Variants in COX15 observed in about 807,000 individuals in gnomAD.
The protein encoded by COX15 is cytochrome c oxidase assembly factor COX15, also known as heme A synthase COX15.
Under a neutral mutation model 51.9 loss-of-function variants are expected in COX15, and 51 were observed. That is an observed-to-expected ratio of 0.98 (90% CI 0.78 to 1.24). The LOEUF (loss-of-function observed/expected upper bound fraction) is 1.24, where lower values mean the gene tolerates loss of function less well. Among genes scored for constraint, COX15 ranks in the 50% most tolerant of loss-of-function variants. The pLI, the probability that COX15 is intolerant of heterozygous loss-of-function variation, is 0.00. For missense variants in COX15, 420 were observed against 501.1 expected, an observed-to-expected ratio of 0.84 and a Z score of 1.55; for synonymous variants, 188 against 190.5, an observed-to-expected ratio of 0.99 and a Z score of 0.11.
intron 4 of COX15, among the ~76,000 whole-genome samples, chr10:99,724,977 T>C: frequency 6.6e-6 from 1 of 152,248 alleles, no homozygotes; most frequent in East Asian, 1.9e-4. Context: ...ATAAGAAACC[T>C]GCAGTTGAAT....
Position 99,712,687 on chromosome 10 carries a change from G to GC in COX15, c.*1899dup, listed in dbSNP as rs2036433577. On this transcript the variant is annotated 3_prime_UTR_variant, in exon 9 of 9. Transcript: ENST00000016171. ...ACAACCCTGGACCTGTAGAGTGGCA[G>GC]CAACAGACCAGAACTCAGCAGTATA... is the stretch of plus-strand genomic sequence containing the variant. 1.1e-6 allele frequency: 1 copy of GC among 872,178 alleles called. No homozygotes were observed. The highest frequency in any genetic ancestry group is 1.4e-6 in the Non-Finnish European group (1 of 726,948). 54.0% of individuals were successfully genotyped at this position (872,178 alleles called of 1,614,324 possible). A position where few individuals can be genotyped will look rare whatever the true frequency, so the allele number is the denominator to read the frequency against.
Position 99,713,561 on chromosome 10 carries a change from C to A in COX15, c.*1026G>T. The A allele has an allele frequency of 6.5e-7, 1 of 1,544,876 alleles. No homozygotes were observed. Among genetic ancestry groups the A allele is most frequent in the Non-Finnish European group, 8.7e-7 (1 of 1,144,004 alleles). On this transcript the variant is annotated 3_prime_UTR_variant, in exon 9 of 9. Transcript: ENST00000016171. ...TATCTGGGTAGATGTCCATGCACTA[C>A]ACCATCAAGGCCATATTTTTCTTAT... is the stretch of plus-strand genomic sequence containing the variant.
intron 6 of COX15, among the ~76,000 whole-genome samples, chr10:99,720,091 G>C (rs1181516351): frequency 3.9e-5 from 6 of 152,100 alleles, no homozygotes; most frequent in Admixed American, 3.9e-4. Flanking sequence ...GAGGCTACAG[G>C]CTCCTCTACT....
At chr10:99,706,343 T>G (rs1439251676), downstream of COX15, 1 of 151,628 alleles carries the variant, frequency 6.6e-6, no homozygotes, top group Admixed American at 6.6e-5. Context: ...TTCCTTTTTT[T>G]TTTTCTTGGA....
chr10:99,702,765 CT>C, the COX15 span: 1 of 1,254,688 alleles, frequency 8.0e-7, no homozygotes, highest in Non-Finnish European at 1.1e-6. Context: ...TTTTAACCAG[CT>C]TAGAATAGGT....
chr10:99,694,417 G>C, the COX15 span, among the ~76,000 whole-genome samples: 11 of 152,082 alleles, frequency 7.2e-5, no homozygotes, highest in African/African-American at 2.7e-4. Flanking sequence ...CAACCATGCT[G>C]TATTTTGTTT....
At chr10:99,716,598 C>T (rs140970053) in intron 7 of COX15, 137 bp from the exon 8 acceptor site, 6 of 651,402 alleles carry the variant, frequency 9.2e-6, no homozygotes, top group Non-Finnish European at 1.7e-5. Flanking sequence ...CCCTGCAGTC[C>T]CAGCCTGATC....
downstream of COX15, among the ~76,000 whole-genome samples, chr10:99,707,792 C>T (rs947254713): frequency 6.6e-6 from 1 of 152,198 alleles, no homozygotes; most frequent in Non-Finnish European, 1.5e-5. Context: ...GTAAAATACC[C>T]ATTTATGTGG....
downstream of COX15, chr10:99,709,173 C>G: frequency 1.0e-6 from 1 of 985,298 alleles, no homozygotes; most frequent in Admixed American, 6.1e-5. Flanking sequence ...GGTATAAATG[C>G]CTATTACATC....
intron 8 of COX15, among the ~76,000 whole-genome samples, chr10:99,715,250 G>T (rs1423108328): frequency 6.6e-6 from 1 of 152,088 alleles, no homozygotes; most frequent in African/African-American, 2.4e-5. Context: ...CAATTCTCCT[G>T]CCTCAGCCTC....
rs2036447285 is a variant in COX15 at position 99,713,078 on chromosome 10, G to A, written c.*1509C>T. 2 of 1,194,778 alleles carry A rather than the reference G, an allele frequency of 1.7e-6. No individual in the cohort carries two copies. The highest frequency in any genetic ancestry group is 3.2e-5 in the African/African-American group (2 of 63,344). The allele number at this position is 1,194,778 out of a possible 1,614,324, so 74.0% of individuals were successfully genotyped here. On this transcript the variant is annotated 3_prime_UTR_variant, in exon 9 of 9. Coordinates refer to ENST00000016171, the MANE Select transcript of COX15 (RefSeq NM_078470.6). ...ATCTTGCTTAAATTTGGTACCCAGA[G>A]TGAAATGCAGTATGTTAGGGGTATT...
chr10:99,704,543 C>G, the COX15 span: 1 of 1,614,182 alleles, frequency 6.2e-7, no homozygotes, highest in Non-Finnish European at 8.5e-7. Flanking sequence ...TGCCTGTATC[C>G]TGGTGGTGCT....
chr10:99,703,934 C>A, the COX15 span, among the ~76,000 whole-genome samples: 8 of 152,162 alleles, frequency 5.3e-5, no homozygotes, highest in East Asian at 1.5e-3. Flanking sequence ...TTATGTTGAC[C>A]AGGCTGGTTT....
chr10:99,698,841 T>C, the COX15 span: 1 of 1,604,040 alleles, frequency 6.2e-7, no homozygotes, highest in Non-Finnish European at 8.5e-7. Flanking sequence ...TGGGCCAACA[T>C]TTGCCAAGGC....
chr10:99,703,318 A>G, the COX15 span, among the ~76,000 whole-genome samples: 4 of 152,194 alleles, frequency 2.6e-5, no homozygotes, highest in Non-Finnish European at 5.9e-5. Context: ...CTCTAAACTC[A>G]ATACCGTCAG....
In COX15 at chr10:99,711,726, C is replaced by T; in HGVS notation, c.*2861G>A. ...CAAATAAGAGAGAAGTTGGGAATCT[C>T]TTCTAGGCAATAGCATAAGCCCAGC... is the stretch of plus-strand genomic sequence containing the variant. On this transcript the variant is annotated 3_prime_UTR_variant, in exon 9 of 9. Transcript: ENST00000016171. The T allele has an allele frequency of 1.0e-6, 1 of 985,392 alleles. No individual in the cohort carries two copies. The highest frequency in any genetic ancestry group is 1.2e-6 in the Non-Finnish European group (1 of 829,930). 61.0% of individuals were successfully genotyped at this position (985,392 alleles called of 1,614,324 possible). A position where few individuals can be genotyped will look rare whatever the true frequency, so the allele number is the denominator to read the frequency against.
At chr10:99,715,440 A>G (rs367933780) in intron 8 of COX15, among the ~76,000 whole-genome samples, 2 of 152,046 alleles carry the variant, frequency 1.3e-5, no homozygotes, top group South Asian at 4.1e-4. Flanking sequence ...TGCCCGGCCC[A>G]TAGTTTTTTA....
At chr10:99,702,799 C>A in the COX15 span, 7 of 824,398 alleles carry the variant, frequency 8.5e-6, no homozygotes, top group Middle Eastern at 3.9e-4. Context: ...TCCTCTCTAC[C>A]CCCTCACAAA....
rs766088575 is a variant in COX15 at position 99,724,033 on chromosome 10, C to T, written c.673G>A (p.Ala225Thr). 1 of 1,614,112 alleles carries T rather than the reference C, an allele frequency of 6.2e-7. No individual in the cohort carries two copies. Among genetic ancestry groups the T allele is most frequent in the South Asian group, 1.1e-5 (1 of 91,078 alleles). ...AGAACCAGGGCTGATCCCAGGTGGG[C>T]AGCAAGGCGGTACTGACTGACCCGA... ...IPRVSQYRLAAHLGSALVLYC... is the reference protein window; with the variant it reads ...IPRVSQYRLATHLGSALVLYC... The change falls in exon 5 of 9, where the codon GCC becomes ACC. Residue 225 changes from alanine to threonine, a missense_variant. Ala to Thr is a moderately conservative substitution (Grantham distance 58, BLOSUM62 0). Coordinates refer to ENST00000016171, the MANE Select transcript of COX15 (RefSeq NM_078470.6).
Sources: gnomAD v4.1 joint callset for allele counts (sites outside exome capture counted in the v4.1 genomes callset) on GRCh38, gnomAD v4.1.1 for gene constraint, MANE v1.5 for transcripts, NCBI Gene and HGNC (gene_info 2026-07-23, HGNC 2026-07-21) for gene names.